TSHZ2: variants seen among roughly 807,000 people sequenced by gnomAD.
TSHZ2 encodes teashirt homolog 2.
A neutral mutation model predicts 74.4 loss-of-function variants in TSHZ2; 21 were observed. The observed-to-expected ratio is 0.28, with a 90% CI of 0.20 to 0.41. TSHZ2 has a LOEUF of 0.41. Ranked by LOEUF, TSHZ2 falls within the 10% of genes least tolerant of loss-of-function variation. TSHZ2 has a pLI of 1.00. For synonymous variants in TSHZ2, 540 were observed against 515.3 expected, an observed-to-expected ratio of 1.05 and a Z score of -0.65; for missense variants, 1,244 against 1,293.5, an observed-to-expected ratio of 0.96 and a Z score of 0.59.
chr20:53,480,941 C>T (rs1986131940), intron 2 of TSHZ2, among the ~76,000 whole-genome samples: 1 of 152,136 alleles, frequency 6.6e-6, no homozygotes, highest in Admixed American at 6.6e-5. Flanking sequence ...CTGGCTCTCC[C>T]TCACAAACTA....
At chr20:53,132,067 G>A (rs941172853) in intron 1 of TSHZ2, among the ~76,000 whole-genome samples, 5 of 152,130 alleles carry the variant, frequency 3.3e-5, no homozygotes, top group South Asian at 4.2e-4. Context: ...CCTCACATGC[G>A]CCTCACCCTC....
intron 2 of TSHZ2, among the ~76,000 whole-genome samples, chr20:53,271,702 T>A (rs1990842933): frequency 6.6e-6 from 1 of 152,044 alleles, no homozygotes; most frequent in African/African-American, 2.4e-5. Context: ...GAGGGAAAAG[T>A]GTTGCGGAAA....
chr20:53,070,861 A>C (rs1208851865), intron 1 of TSHZ2, among the ~76,000 whole-genome samples: 2 of 152,228 alleles, frequency 1.3e-5, no homozygotes, highest in African/African-American at 2.4e-5. Context: ...CGTGTTCTTC[A>C]AGTCACTGAC....
chr20:53,100,401 A>G lies in TSHZ2; in HGVS notation c.40+127068A>G, dbSNP rs750815449. Reference sequence around the variant, plus strand: ...GGCTTTCTTTCCCCCATTAATATTCAGAGCTCAAGTTGCATCAAATGGTTA... The same window carrying G: ...GGCTTTCTTTCCCCCATTAATATTCGGAGCTCAAGTTGCATCAAATGGTTA... On this transcript the variant is annotated intron_variant, in intron 1 of 2. Coordinates refer to ENST00000371497, the MANE Select transcript of TSHZ2 (RefSeq NM_173485.6). 4.1e-4 allele frequency among the ~76,000 whole-genome samples: 62 copies of G among 152,280 alleles called. No individual in the cohort carries two copies. The Middle Eastern group carries it at 0.017, about 42-fold the overall frequency.
chr20:53,025,403 T>C (rs1983402824), intron 1 of TSHZ2, among the ~76,000 whole-genome samples: 1 of 152,198 alleles, frequency 6.6e-6, no homozygotes, highest in Admixed American at 6.6e-5. Context: ...CTAGCTGAGA[T>C]ATAACACAAA....
In TSHZ2 at chr20:53,106,699, T is replaced by G. The variant is rs1175598817; in HGVS notation, c.40+133366T>G. On this transcript the variant is annotated intron_variant, in intron 1 of 2. Transcript: ENST00000371497. Reference sequence around the variant, plus strand: ...AGGCGTGAGCCACCACGCAGGGCATTTTTTTTTGTTTTTTTTTTGACACAG... The same window carrying G: ...AGGCGTGAGCCACCACGCAGGGCATGTTTTTTTGTTTTTTTTTTGACACAG... Among the ~76,000 whole-genome samples, 5 of 137,476 alleles carry G rather than the reference T, an allele frequency of 3.6e-5. No individual in the cohort carries two copies. The East Asian group carries it at 1.0e-3, about 28-fold the overall frequency. 90.2% of individuals were successfully genotyped at this position (137,476 alleles called of 152,430 possible). A position where few individuals can be genotyped will look rare whatever the true frequency, so the allele number is the denominator to read the frequency against.
intron 1 of TSHZ2, among the ~76,000 whole-genome samples, chr20:53,050,845 CA>C (rs1166362870): frequency 6.6e-6 from 1 of 152,112 alleles, no homozygotes; most frequent in Non-Finnish European, 1.5e-5. Flanking sequence ...CTGCGTGTAT[CA>C]ACATGTTCCA....
At chr20:53,376,297 G>A (rs965201277) in intron 2 of TSHZ2, among the ~76,000 whole-genome samples, 2 of 152,140 alleles carry the variant, frequency 1.3e-5, no homozygotes, top group South Asian at 2.1e-4. Flanking sequence ...TGCTAAAATC[G>A]GGAAAGTGTT....
rs375244095 is a variant in TSHZ2, at chr20:53,470,840, A to G, written c.*9-16304A>G. 3.7e-4 allele frequency among the ~76,000 whole-genome samples: 57 copies of G among 152,246 alleles called. No homozygotes were observed. In the South Asian group the frequency reaches 0.011, roughly 30 times the overall value. The stretch of plus-strand genomic sequence containing the variant: ...AAAAAATAAATAAATAAAACACTAA[A>G]TATAGGTTTTTCTTTTTTCATTTTC... On this transcript the variant is annotated intron_variant, in intron 2 of 2. Transcript: ENST00000371497.
chr20:53,160,745 C>CA (rs10653039), intron 1 of TSHZ2, among the ~76,000 whole-genome samples: 983 of 95,756 alleles, frequency 0.01, 36 homozygotes, highest in Middle Eastern at 0.079. Context: ...ACTCTGTCTC[C>CA]AAAAAAAAAA....
intron 1 of TSHZ2, among the ~76,000 whole-genome samples, chr20:53,130,780 C>T (rs1231441900): frequency 2.0e-5 from 3 of 152,178 alleles, no homozygotes; most frequent in Admixed American, 6.5e-5. Flanking sequence ...AATTCATCGG[C>T]GTTGTTACCT....
intron 2 of TSHZ2, among the ~76,000 whole-genome samples, chr20:53,301,231 A>G (rs1011539477): frequency 1.2e-4 from 18 of 152,166 alleles, no homozygotes; most frequent in African/African-American, 4.3e-4. Flanking sequence ...GTGCTGGGAT[A>G]AAAGGCATGA....
chr20:53,347,965 G>A (rs937969035), intron 2 of TSHZ2, among the ~76,000 whole-genome samples: 7 of 152,158 alleles, frequency 4.6e-5, no homozygotes, highest in South Asian at 2.1e-4. Flanking sequence ...TACCCGTAAC[G>A]TGGTAACCCT....
chr20:53,292,620 A>T (rs1055334543), intron 2 of TSHZ2, among the ~76,000 whole-genome samples: 1 of 151,678 alleles, frequency 6.6e-6, no homozygotes, highest in African/African-American at 2.4e-5. Flanking sequence ...GATTTTTTTT[A>T]ATATTTTTTT....
rs150955042 is a variant in TSHZ2 at position 53,106,606 on chromosome 20, A to G, written c.40+133273A>G. Among the ~76,000 whole-genome samples, 1,308 of 147,778 alleles carry G rather than the reference A, an allele frequency of 8.9e-3. 10 individuals carry two copies. Among genetic ancestry groups the G allele is most frequent in the African/African-American group, 0.031 (1,234 of 39,948 alleles). ...TTTTTAGTAGAGATGGGGTTTCACC[A>G]TGTTAGCCAGGAGGGTCTCCATCTC... On this transcript the variant is annotated intron_variant, in intron 1 of 2. Coordinates refer to ENST00000371497, the MANE Select transcript of TSHZ2 (RefSeq NM_173485.6).
At chr20:53,469,555 G>GGGAAGGAAGGAA (rs142116366) in intron 2 of TSHZ2, among the ~76,000 whole-genome samples, 798 of 78,348 alleles carry the variant, frequency 0.01, 47 homozygotes, top group African/African-American at 0.018. Context: ...GAAAGAAGGA[G>GGGAAGGAAGGAA]GGAAGGAAGG....
chr20:52,979,385 C>T (rs1209710890), intron 1 of TSHZ2, among the ~76,000 whole-genome samples: 1 of 152,198 alleles, frequency 6.6e-6, no homozygotes, highest in East Asian at 1.9e-4. Flanking sequence ...TCTGCAAACA[C>T]ATAGTTTCAA....
At chr20:53,157,660 C>T (rs1308106979) in intron 1 of TSHZ2, among the ~76,000 whole-genome samples, 3 of 152,104 alleles carry the variant, frequency 2.0e-5, no homozygotes, top group Non-Finnish European at 4.4e-5. Flanking sequence ...TTGGTTAACA[C>T]CAAGTGAAAC....
At chr20:53,448,981 C>CA (rs34162962) in intron 2 of TSHZ2, among the ~76,000 whole-genome samples, 29 of 151,800 alleles carry the variant, frequency 1.9e-4, no homozygotes, top group African/African-American at 4.8e-4. Flanking sequence ...CTCCCACACA[C>CA]AAAAAAAAGA....
Sources: gnomAD v4.1 joint callset for allele counts (sites outside exome capture counted in the v4.1 genomes callset) on GRCh38, gnomAD v4.1.1 for gene constraint, MANE v1.5 for transcripts, NCBI Gene and HGNC (gene_info 2026-07-23, HGNC 2026-07-21) for gene names.